ZAP70: variants seen among roughly 807,000 people sequenced by gnomAD.
ZAP70 encodes the protein zeta chain of T cell receptor associated protein kinase 70, also known as tyrosine-protein kinase ZAP-70.
Under a neutral mutation model 65.8 loss-of-function variants are expected in ZAP70, and 27 were observed. That is an observed-to-expected ratio of 0.41 (90% CI 0.30 to 0.57). The LOEUF (loss-of-function observed/expected upper bound fraction) is 0.57. Among genes scored for constraint, ZAP70 ranks in the 20% least tolerant of loss-of-function variants. ZAP70 has a pLI of 0.28. For missense variants in ZAP70, 696 were observed against 870.5 expected (o/e 0.80, Z 2.52); for synonymous variants, 363 against 360.8 (o/e 1.01, Z -0.07).
intron 8 of ZAP70, chr2:97,734,009 A>T: frequency 3.2e-6 from 1 of 308,402 alleles, no homozygotes; most frequent in Non-Finnish European, 6.2e-6. Flanking sequence ...TAGAGGCGGG[A>T]TGTGAACCCA....
intron 2 of ZAP70, among the ~76,000 whole-genome samples, chr2:97,717,831 G>C (rs1676998960): frequency 6.6e-6 from 1 of 152,220 alleles, no homozygotes; most frequent in African/African-American, 2.4e-5. Context: ...ATCTAGCACT[G>C]CCTTTACCCA....
rs201097437 is a variant in ZAP70, at chr2:97,739,529, C to A, written c.*31C>A. 3.9e-5 allele frequency: 63 copies of A among 1,603,964 alleles called. 1 individual carries two copies. Among genetic ancestry groups the A allele is most frequent in the Admixed American group, 1.0e-4 (6 of 59,300 alleles). On this transcript the variant is annotated 3_prime_UTR_variant, in exon 14 of 14. Transcript: ENST00000264972. ...CGCTGCCCAGGGGAGCCCTCCACGC[C>A]GGCTCTTCCCCACCCTCAGCCCCAC... is the stretch of plus-strand genomic sequence containing the variant.
intron 4 of ZAP70, 150 bp downstream of exon 4, chr2:97,725,402 A>G: frequency 1.0e-6 from 1 of 979,484 alleles, no homozygotes; most frequent in East Asian, 2.6e-5. Context: ...TGATGTGCAA[A>G]GGGACTTGCA....
chr2:97,754,490 C>T, the ZAP70 span, among the ~76,000 whole-genome samples: 1 of 152,056 alleles, frequency 6.6e-6, no homozygotes, highest in South Asian at 2.1e-4. Flanking sequence ...GCAACCTCCA[C>T]CTCCCAGGTT....
At position 97,737,419 on chromosome 2, in the gene ZAP70, C is replaced by T. The variant is rs1420749869; in HGVS notation, c.1290-54C>T. On this transcript the variant is annotated intron_variant, in intron 10 of 13. Coordinates refer to ENST00000264972, the MANE Select transcript of ZAP70 (RefSeq NM_001079.4). The surrounding 1 kb of genome is among the most constrained non-coding windows in gnomAD (Gnocchi z 5.0). ...TGGGTCAGAGAAGCATGCTTTGCCC[C>T]TGGGAACTTGGCTAGTCTTCTCCCA... 12 of 1,599,036 alleles carry T rather than the reference C, an allele frequency of 7.5e-6. No individual in the cohort carries two copies. Among genetic ancestry groups the T allele is most frequent in the Non-Finnish European group, 9.4e-6 (11 of 1,166,904 alleles).
rs1677910726 is a variant in ZAP70, at chr2:97,736,919, A to G, written c.1290-554A>G. On this transcript the variant is annotated intron_variant, in intron 10 of 13. Coordinates refer to ENST00000264972, the MANE Select transcript of ZAP70 (RefSeq NM_001079.4). This position sits in a 1 kb window ranked among gnomAD's most constrained non-coding sequence, Gnocchi z 4.0. ...GACTCAGGGGCAGAGAGGACAAGAC[A>G]GTGGGAGACAGGAGGGAGCGAGGGC... 6.6e-6 allele frequency among the ~76,000 whole-genome samples: 1 copy of G among 152,060 alleles called. No individual in the cohort carries two copies. Among genetic ancestry groups the G allele is most frequent in the African/African-American group, 2.4e-5 (1 of 41,414 alleles).
chr2:97,717,123 G>C (rs1432179928), intron 2 of ZAP70, among the ~76,000 whole-genome samples: 1 of 152,236 alleles, frequency 6.6e-6, no homozygotes, highest in Non-Finnish European at 1.5e-5. Flanking sequence ...CTGTTGGTGG[G>C]CACAGGCGGC....
chr2:97,727,948 T>G (rs1677457215), intron 4 of ZAP70, among the ~76,000 whole-genome samples: 1 of 152,148 alleles, frequency 6.6e-6, no homozygotes, highest in East Asian at 1.9e-4. Context: ...GGCAGAGGAT[T>G]CTAGGGGGTG....
downstream of ZAP70, among the ~76,000 whole-genome samples, chr2:97,742,977 T>C (rs1039303015): frequency 6.6e-6 from 1 of 152,242 alleles, no homozygotes; most frequent in African/African-American, 2.4e-5. Flanking sequence ...GCTCTCCATC[T>C]TGAGGCAAAA....
the ZAP70 span, among the ~76,000 whole-genome samples, chr2:97,752,251 T>G: frequency 6.6e-6 from 1 of 152,220 alleles, no homozygotes; most frequent in African/African-American, 2.4e-5. Flanking sequence ...AAATGTTTTA[T>G]CAGGATTTCA....
At chr2:97,751,733 C>T in the ZAP70 span, among the ~76,000 whole-genome samples, 3 of 152,174 alleles carry the variant, frequency 2.0e-5, no homozygotes, top group Non-Finnish European at 4.4e-5. Flanking sequence ...TTGGCTTCTG[C>T]TGAGGGCCTT....
chr2:97,731,704 C>T lies in ZAP70; in HGVS notation c.564-1179C>T, dbSNP rs1388440304. 1.3e-5 allele frequency among the ~76,000 whole-genome samples: 2 copies of T among 152,228 alleles called. No homozygotes were observed. The highest frequency in any genetic ancestry group is 2.9e-5 in the Non-Finnish European group (2 of 68,048). On this transcript the variant is annotated intron_variant, in intron 4 of 13. Transcript: ENST00000264972. This position sits in a 1 kb window ranked among gnomAD's most constrained non-coding sequence, Gnocchi z 4.0. The stretch of plus-strand genomic sequence containing the variant: ...ATGGCTGCCTTGCTCACTGCCATAT[C>T]CCTGCGCTGAGAACAGTGCCTGGCC...
chr2:97,714,284 CT>C lies in ZAP70; in HGVS notation c.-22+292del, dbSNP rs1246005042. ...CTGCTGGGCCCTGTTTGGCTGCATC[CT>C]TGGCTCTCGGAGGCAGAGAAACCTC... On this transcript the variant is annotated intron_variant, in intron 2 of 13. Coordinates refer to ENST00000264972, the MANE Select transcript of ZAP70 (RefSeq NM_001079.4). Among the ~76,000 whole-genome samples, 3 of 152,188 alleles carry C rather than the reference CT, an allele frequency of 2.0e-5. No homozygotes were observed. In the East Asian group the frequency reaches 5.8e-4, roughly 29 times the overall value.
intron 2 of ZAP70, among the ~76,000 whole-genome samples, chr2:97,718,231 A>G (rs932516421): frequency 6.6e-6 from 1 of 152,170 alleles, no homozygotes; most frequent in African/African-American, 2.4e-5. Flanking sequence ...CTGCAGGGAC[A>G]CAGCTGAGAA....
chr2:97,743,371 T>C (rs1678175613), downstream of ZAP70, among the ~76,000 whole-genome samples: 1 of 152,254 alleles, frequency 6.6e-6, no homozygotes, highest in Non-Finnish European at 1.5e-5. Context: ...GTTTTGCTCT[T>C]GTTGCCCAGG....
rs1559327232 is a variant in ZAP70, at chr2:97,734,648, G to A, written c.1018G>A (p.Ala340Thr). The A allele has an allele frequency of 6.2e-6, 10 of 1,614,210 alleles. No individual in the cohort carries two copies. The highest frequency in any genetic ancestry group is 8.5e-6 in the Non-Finnish European group (10 of 1,180,034). Reference protein sequence around the residue: ...LFLKRDNLLIADIELGCGNFG... With the variant: ...LFLKRDNLLITDIELGCGNFG... Reference sequence around the variant, plus strand: ...CCTGAAGCGCGATAACCTCCTCATAGCTGACATTGAACTTGGCTGCGGCAA... The same window carrying A: ...CCTGAAGCGCGATAACCTCCTCATAACTGACATTGAACTTGGCTGCGGCAA... Residue 340 changes from alanine (A) to threonine (T), a missense_variant, in exon 9 of 14, where the codon GCT becomes ACT. Coordinates refer to ENST00000264972, the MANE Select transcript of ZAP70 (RefSeq NM_001079.4).
chr2:97,725,176 TG>T lies in ZAP70; in HGVS notation c.489del (p.Trp163CysfsTer6). The T allele has an allele frequency of 6.2e-7, 1 of 1,614,144 alleles. No individual in the cohort carries two copies. ...TACGACGGCCCACGAGCGGATGCCC[TG>T]GTACCACAGCAGCCTGACGCGTGAG... ...IATTAHERMP[W>X]YHSSLTREEA... On this transcript the variant is annotated frameshift_variant, in exon 4 of 14. Coordinates refer to ENST00000264972, the MANE Select transcript of ZAP70 (RefSeq NM_001079.4). LOFTEE classifies it high-confidence loss of function.
At chr2:97,718,516 G>A (rs1032869319) in intron 2 of ZAP70, among the ~76,000 whole-genome samples, 3 of 152,114 alleles carry the variant, frequency 2.0e-5, no homozygotes, top group East Asian at 1.9e-4. Flanking sequence ...CCCACCACCC[G>A]ACCTGTGTGT....
At chr2:97,747,759 G>GA in the ZAP70 span, among the ~76,000 whole-genome samples, 7 of 138,524 alleles carry the variant, frequency 5.1e-5, no homozygotes, top group African/African-American at 1.6e-4. Flanking sequence ...ATCTCAGTGT[G>GA]AAAAAATCCT....
Sources: allele counts gnomAD v4.1 joint callset (sites outside exome capture counted in the v4.1 genomes callset), GRCh38; gene constraint gnomAD v4.1.1; non-coding constraint Gnocchi (gnomAD v3.1); transcripts MANE v1.5; gene names NCBI Gene and HGNC (gene_info 2026-07-23, HGNC 2026-07-21).